CES4A: variants seen among roughly 807,000 people sequenced by gnomAD.
The protein encoded by CES4A is carboxylesterase 6.
In CES4A, 48 loss-of-function variants were observed where a neutral mutation model predicts 65.4. The ratio of observed to expected loss-of-function variants is 0.73; its 90% CI spans 0.58 to 0.93. The LOEUF (loss-of-function observed/expected upper bound fraction) is 0.93, where lower values mean the gene tolerates loss of function less well. CES4A is among the 40% of genes least tolerant of loss of function. The probability of loss-of-function intolerance (pLI) is 0.00; values close to 1 mark genes in which losing one functional copy is unlikely to be tolerated. For missense variants in CES4A, 685 were observed against 728.5 expected, an observed-to-expected ratio of 0.94 and a Z score of 0.69; for synonymous variants, 247 against 281.8, an observed-to-expected ratio of 0.88 and a Z score of 1.24.
At chr16:66,993,616 T>A (rs1964568315) in intron 1 of CES4A, among the ~76,000 whole-genome samples, 1 of 152,140 alleles carries the variant, frequency 6.6e-6, no homozygotes, top group African/African-American at 2.4e-5. Flanking sequence ...AGTGCTGGGA[T>A]TATAGGCGTG....
At position 67,003,397 on chromosome 16, in the gene CES4A, T is replaced by C; in HGVS notation, c.900+37T>C. 1 of 1,603,866 alleles carries C rather than the reference T, an allele frequency of 6.2e-7. No homozygotes were observed. The highest frequency in any genetic ancestry group is 8.5e-7 in the Non-Finnish European group (1 of 1,170,880). ...ATTCCAGCTGCCTGACCTGGCTGCC[T>C]GAGGGCCATCCTCCTATCCTGGTAC... is the stretch of plus-strand genomic sequence containing the variant. On this transcript the variant is annotated intron_variant, in intron 7 of 13. Transcript: ENST00000648724. This position sits in a 1 kb window ranked among gnomAD's most constrained non-coding sequence, Gnocchi z 4.2.
At chr16:67,005,481 T>TA (rs985497001) in intron 11 of CES4A, 88 bp downstream of exon 11, 1 of 1,261,258 alleles carries the variant, frequency 7.9e-7, no homozygotes, top group African/African-American at 1.5e-5. Flanking sequence ...ACTGCTCCCC[T>TA]ACCCTCTCTG....
At chr16:66,998,028 G>A (rs574353846) in intron 2 of CES4A, among the ~76,000 whole-genome samples, 22 of 149,956 alleles carry the variant, frequency 1.5e-4, no homozygotes, top group African/African-American at 4.7e-4. Context: ...TAAATTTGAC[G>A]TGCTGACAGA....
At chr16:66,995,636 C>T (rs768862443) in exon 2 of CES4A, 1 of 1,614,058 alleles carries the variant, frequency 6.2e-7, no homozygotes. Context: ...AGGTGCCTTG[C>T]ACACCAAGAG....
At chr16:66,995,594 G>A in intron 1 of CES4A, 34 bp from the exon 2 acceptor site, 1 of 1,589,280 alleles carries the variant, frequency 6.3e-7, no homozygotes. Flanking sequence ...CTGGGTGACT[G>A]AGCAGAGGTG....
At chr16:67,004,942 T>C (rs1182225738) in intron 10 of CES4A, 69 bp downstream of exon 10, 2 of 1,231,928 alleles carry the variant, frequency 1.6e-6, no homozygotes, top group South Asian at 1.3e-5. Context: ...TTTAACCTAG[T>C]AGCTGCTCTT....
At position 67,000,521 on chromosome 16, in the gene CES4A, ACGCACACGCACG is replaced by A. The variant is rs1965205169; in HGVS notation, c.261-110_261-99del. ...TACACGCACACGCACGCACATGCGC[ACGCACACGCACG>A]CGCACAGACGCTGCCTGGATTTTGC... is the stretch of plus-strand genomic sequence containing the variant. On this transcript the variant is annotated intron_variant, in intron 2 of 13. Transcript: ENST00000648724. This position sits in a 1 kb window ranked among gnomAD's most constrained non-coding sequence, Gnocchi z 4.2. 2 of 1,455,022 alleles carry A rather than the reference ACGCACACGCACG, an allele frequency of 1.4e-6. No individual in the cohort carries two copies. Among genetic ancestry groups the A allele is most frequent in the Non-Finnish European group, 1.8e-6 (2 of 1,101,414 alleles). The allele number at this position is 1,455,022 out of a possible 1,614,324, so 90.1% of individuals were successfully genotyped here.
intron 11 of CES4A, chr16:67,006,183 G>C: frequency 1.8e-6 from 1 of 568,922 alleles, no homozygotes; most frequent in Admixed American, 3.0e-5. Context: ...TGAAGATAAG[G>C]AATTATTGAT....
intron 12 of CES4A, 93 bp downstream of exon 12, chr16:67,006,612 C>A (rs1397059463): frequency 2.1e-5 from 33 of 1,550,452 alleles, no homozygotes; most frequent in Non-Finnish European, 2.6e-5. Context: ...ACAGGGAGCT[C>A]ACCAGTTCCT....
In CES4A at chr16:67,003,088, T is replaced by C. The variant is rs1965481169; in HGVS notation, c.709T>C (p.Ser237Pro). 6.2e-7 allele frequency: 1 copy of C among 1,614,066 alleles called. No homozygotes were observed. ...CTTGCAGATGATGTCACCCCTAGCC[T>C]CGGGTCTCTTCCATCGGGCCATTTC... Residue 237 changes from serine (S) to proline (P), a missense_variant, in exon 6 of 14, where the codon TCG becomes CCG. Physicochemically the swap from Ser to Pro is moderately conservative, Grantham distance 74. Transcript: ENST00000648724. The surrounding 1 kb of genome is among the most constrained non-coding windows in gnomAD (Gnocchi z 4.2).
At chr16:66,994,257 G>C (rs1964631106) in intron 1 of CES4A, among the ~76,000 whole-genome samples, 1 of 111,246 alleles carries the variant, frequency 9.0e-6, no homozygotes, top group Non-Finnish European at 1.6e-5. Context: ...TATTTTTTGA[G>C]ATGGAGTCTC....
Position 66,995,801 on chromosome 16 carries a change from A to G in CES4A, c.232A>G (p.Ile78Val), listed in dbSNP as rs543139450. Reference sequence around the variant, plus strand: ...AGAACCCCCGGAGCCCTGGAAAGGAATCAGAGATGCTACCACCTACCCGCC... The same window carrying G: ...AGAACCCCCGGAGCCCTGGAAAGGAGTCAGAGATGCTACCACCTACCCGCC... Residue 78 changes from isoleucine to valine, a missense_variant, in exon 2 of 14, where the codon ATC becomes GTC. Coordinates refer to ENST00000648724, the Ensembl canonical transcript of CES4A. 28 of 1,614,012 alleles carry G rather than the reference A, an allele frequency of 1.7e-5. No individual in the cohort carries two copies. In the African/African-American group the frequency reaches 1.9e-4, roughly 11 times the overall value.
intron 11 of CES4A, chr16:67,005,619 G>T: frequency 2.1e-6 from 1 of 479,184 alleles, no homozygotes; most frequent in Non-Finnish European, 3.7e-6. Flanking sequence ...AGCCGAAGTG[G>T]GTGGATCATT....
rs1267330618 is a variant in CES4A, at chr16:67,000,940, A to G, written c.486A>G (p.Lys162=). ...GCTCTGACTTGGCCGCCCGCGAGAA[A>G]GTGGTGCTGGTGTTTCTGCAGCACA... The change falls in exon 4 of 14, where the codon AAA becomes AAG. Residue 162 remains lysine, a synonymous_variant. Transcript: ENST00000648724. The surrounding 1 kb of genome is among the most constrained non-coding windows in gnomAD (Gnocchi z 4.2). 5 of 1,612,928 alleles carry G rather than the reference A, an allele frequency of 3.1e-6. No individual in the cohort carries two copies. Among genetic ancestry groups the G allele is most frequent in the Middle Eastern group, 1.6e-4 (1 of 6,084 alleles).
chr16:67,000,726 C>T lies in CES4A; in HGVS notation c.349C>T (p.Leu117=), dbSNP rs1965233108. Residue 117 remains leucine (L), a synonymous_variant, in exon 3 of 14, where the codon CTG becomes TTG. Coordinates refer to ENST00000648724, the Ensembl canonical transcript of CES4A. The surrounding 1 kb of genome is among the most constrained non-coding windows in gnomAD (Gnocchi z 4.2). ...GTGGCTGCGCTTCAGCGAGGACTGT[C>T]TGTACCTGAACGTGTACGCGCCGGC... 5.2e-6 allele frequency: 8 copies of T among 1,550,378 alleles called. No homozygotes were observed. Among genetic ancestry groups the T allele is most frequent in the Admixed American group, 2.0e-5 (1 of 51,042 alleles).
At chr16:67,006,505 G>A (rs1965771028) in exon 12 of CES4A, 5 of 1,536,972 alleles carry the variant, frequency 3.3e-6, no homozygotes, top group African/African-American at 2.7e-5. Flanking sequence ...CTCTTTGGGG[G>A]CCCCTTCGCC....
chr16:66,990,765 T>C (rs1327568144), intron 1 of CES4A, among the ~76,000 whole-genome samples: 4 of 151,914 alleles, frequency 2.6e-5, no homozygotes, highest in Non-Finnish European at 5.9e-5. Context: ...AATTTTATAT[T>C]CTGGGGTTTT....
chr16:66,996,582 G>A (rs1964874375), intron 2 of CES4A, among the ~76,000 whole-genome samples: 1 of 152,172 alleles, frequency 6.6e-6, no homozygotes, highest in African/African-American at 2.4e-5. Flanking sequence ...CCCAGAACAA[G>A]TGTATTTACT....
At chr16:66,990,009 C>T (rs959323600) in intron 1 of CES4A, among the ~76,000 whole-genome samples, 7 of 151,322 alleles carry the variant, frequency 4.6e-5, no homozygotes, top group South Asian at 2.1e-4. Context: ...TTGCTTACTC[C>T]GCTTTTAACA....
Sources: allele counts gnomAD v4.1 joint callset (sites outside exome capture counted in the v4.1 genomes callset), GRCh38; gene constraint gnomAD v4.1.1; non-coding constraint Gnocchi (gnomAD v3.1); transcripts MANE v1.5; gene names NCBI Gene and HGNC (gene_info 2026-07-23, HGNC 2026-07-21).